The following TG variants were observed in gnomAD, a reference collection of about 807,000 sequenced individuals.
TG encodes the protein thyroid hormones.
Under a neutral mutation model 324.7 loss-of-function variants are expected in TG, and 270 were observed. The observed-to-expected ratio is 0.83, with a 90% confidence interval of 0.75 to 0.92. TG has a LOEUF of 0.92. TG is among the 40% of genes least tolerant of loss of function. TG has a pLI of 0.00. For missense variants in TG, 3,591 were observed against 3,456.4 expected, an observed-to-expected ratio of 1.04 and a Z score of -0.98; for synonymous variants, 1,401 against 1,327.0, an observed-to-expected ratio of 1.06 and a Z score of -1.21.
chr8:133,050,986 G>A, intron 41 of TG: 1 of 839,510 alleles, frequency 1.2e-6, no homozygotes, highest in Non-Finnish European at 2.0e-6. Flanking sequence ...AGGTAGGCTT[G>A]GGAGGGAGGG....
intron 8 of TG, 148 bp from the exon 9 acceptor site, chr8:132,886,300 A>G: frequency 8.4e-7 from 1 of 1,187,468 alleles, no homozygotes; most frequent in Non-Finnish European, 1.2e-6. Context: ...AGGAAAAAAT[A>G]AAATGACACA....
chr8:133,060,021 G>A (rs1842135938), intron 41 of TG: 27 of 1,427,058 alleles, frequency 1.9e-5, no homozygotes, highest in Non-Finnish European at 2.5e-5. Context: ...AGTAGTTACC[G>A]GCATCCACCA....
intron 19 of TG, among the ~76,000 whole-genome samples, chr8:132,912,792 A>C (rs148358214): frequency 2.0e-5 from 3 of 152,286 alleles, no homozygotes; most frequent in Non-Finnish European, 4.4e-5. Flanking sequence ...CATGGGTTGC[A>C]TTGGTGCCAC....
intron 41 of TG, among the ~76,000 whole-genome samples, chr8:133,030,676 G>A (rs919545323): frequency 6.6e-6 from 1 of 152,218 alleles, no homozygotes; most frequent in African/African-American, 2.4e-5. Flanking sequence ...GGGGTTGAGG[G>A]ACAAATGCTT....
intron 41 of TG, among the ~76,000 whole-genome samples, chr8:133,042,702 T>C (rs971294204): frequency 7.5e-6 from 1 of 133,024 alleles, no homozygotes; most frequent in African/African-American, 3.0e-5. Flanking sequence ...TTTTTTTTTT[T>C]TTTTTTTGTG....
chr8:132,929,467 A>T (rs1587447497), intron 23 of TG, among the ~76,000 whole-genome samples: 1 of 152,200 alleles, frequency 6.6e-6, no homozygotes, highest in East Asian at 1.9e-4. Context: ...TGTCCAGGTC[A>T]GGATCTATAT....
intron 35 of TG, chr8:133,003,333 T>C (rs1429309094): frequency 6.6e-6 from 1 of 152,156 alleles, no homozygotes; most frequent in Non-Finnish European, 1.5e-5. Context: ...TTTTTTCTAC[T>C]TAGTATCCAT....
At chr8:132,951,464 G>T (rs982137779) in intron 27 of TG, among the ~76,000 whole-genome samples, 3 of 152,176 alleles carry the variant, frequency 2.0e-5, no homozygotes, top group Non-Finnish European at 4.4e-5. Context: ...AAAGACATAT[G>T]ATATATTCAT....
chr8:132,935,876 A>T lies in TG; in HGVS notation c.5041+12A>T. On this transcript the variant is annotated intron_variant, in intron 25 of 47. Coordinates refer to ENST00000220616, the MANE Select transcript of TG (RefSeq NM_003235.5). Reference sequence around the variant, plus strand: ...GTATTTGAAAAAGGGTAGGTTGGTCAGGCTGGTTGGCTTAGGCCCGCGGTG... The same window carrying T: ...GTATTTGAAAAAGGGTAGGTTGGTCTGGCTGGTTGGCTTAGGCCCGCGGTG... 1 of 1,610,444 alleles carries T rather than the reference A, an allele frequency of 6.2e-7. No homozygotes were observed. The highest frequency in any genetic ancestry group is 8.5e-7 in the Non-Finnish European group (1 of 1,178,494).
chr8:133,118,014 C>T (rs117577126), intron 45 of TG, among the ~76,000 whole-genome samples: 2,657 of 152,286 alleles, frequency 0.017, 35 homozygotes, highest in Non-Finnish European at 0.028. Flanking sequence ...CAGGGCTTTA[C>T]CCTGTGTTAC....
At chr8:133,121,202 T>C (rs780828296) in intron 45 of TG, among the ~76,000 whole-genome samples, 11 of 152,138 alleles carry the variant, frequency 7.2e-5, no homozygotes, top group Non-Finnish European at 1.2e-4. Flanking sequence ...ATGAGTCCTT[T>C]CTACTTTAGT....
chr8:133,131,744 G>A, intron 45 of TG, 68 bp from the exon 46 acceptor site: 1 of 1,600,258 alleles, frequency 6.2e-7, no homozygotes, highest in East Asian at 2.2e-5. Context: ...TTTTGTTTGT[G>A]TGTTTGTGTT....
intron 41 of TG, among the ~76,000 whole-genome samples, chr8:133,094,013 A>G (rs1389387284): frequency 6.6e-6 from 1 of 152,078 alleles, no homozygotes; most frequent in Non-Finnish European, 1.5e-5. Flanking sequence ...TATCACCACC[A>G]CTGCCTCCCC....
chr8:133,047,798 G>A lies in TG; in HGVS notation c.7239+17775G>A, dbSNP rs192482325. On this transcript the variant is annotated intron_variant, in intron 41 of 47. Transcript: ENST00000220616. ...GGAGCAAAACATGCTTGTCTGCCCC[G>A]GATGGGGAAAGATGAGTTGGGGGCC... 34 of 1,197,610 alleles carry A rather than the reference G, an allele frequency of 2.8e-5. No homozygotes were observed. The East Asian group carries it at 3.7e-4, about 13-fold the overall frequency. The allele number at this position is 1,197,610 out of a possible 1,614,324, so 74.2% of individuals were successfully genotyped here. A position where few individuals can be genotyped will look rare whatever the true frequency, so the allele number is the denominator to read the frequency against.
chr8:133,114,782 G>A (rs1392099193), intron 44 of TG, among the ~76,000 whole-genome samples: 1 of 152,200 alleles, frequency 6.6e-6, no homozygotes, highest in Non-Finnish European at 1.5e-5. Flanking sequence ...GCATCCTTTG[G>A]TAAACTGGAG....
chr8:132,955,656 G>A (rs1046357247), intron 27 of TG, among the ~76,000 whole-genome samples: 4 of 152,174 alleles, frequency 2.6e-5, no homozygotes, highest in Non-Finnish European at 5.9e-5. Flanking sequence ...TGGTGGTGGT[G>A]TTAACTGGGA....
At chr8:133,041,111 T>G (rs2131087064) in intron 41 of TG, among the ~76,000 whole-genome samples, 1 of 152,338 alleles carries the variant, frequency 6.6e-6, no homozygotes, top group East Asian at 1.9e-4. Context: ...TTACTCAGGC[T>G]GAAAACCCCA....
In TG at chr8:133,023,632, T is replaced by C. The variant is rs368797793; in HGVS notation, c.7036+1482T>C. Among the ~76,000 whole-genome samples, 3 of 152,186 alleles carry C rather than the reference T, an allele frequency of 2.0e-5. No individual in the cohort carries two copies. In the East Asian group the frequency reaches 5.8e-4, roughly 29 times the overall value. ...TGTGAACACAAGACTGACCATAATT[T>C]GTGCCATTGGTAGCCCCTTCCTCTA... On this transcript the variant is annotated intron_variant, in intron 40 of 47. Coordinates refer to ENST00000220616, the MANE Select transcript of TG (RefSeq NM_003235.5).
At chr8:133,118,347 C>T (rs183549583) in intron 45 of TG, among the ~76,000 whole-genome samples, 1,214 of 99,008 alleles carry the variant, frequency 0.012, 9 homozygotes, top group African/African-American at 0.044. Flanking sequence ...TTTTTTTTGA[C>T]GGGGTCTCCC....
Sources: allele counts gnomAD v4.1 joint callset (sites outside exome capture counted in the v4.1 genomes callset), GRCh38; gene constraint gnomAD v4.1.1; transcripts MANE v1.5; gene names NCBI Gene and HGNC (gene_info 2026-07-23, HGNC 2026-07-21).